The following AKNAD1 variants were observed in gnomAD, a reference collection of about 807,000 sequenced individuals.
AKNAD1 encodes protein AKNAD1.
A neutral mutation model predicts 90.8 loss-of-function variants in AKNAD1; 67 were observed. The observed-to-expected ratio is 0.74, with a 90% CI of 0.61 to 0.90. The LOEUF (loss-of-function observed/expected upper bound fraction) is 0.90. Ranked by LOEUF, AKNAD1 falls within the 40% of genes least tolerant of loss-of-function variation. The pLI is 0.00. For missense variants in AKNAD1, 957 were observed against 975.4 expected (o/e 0.98, Z 0.25); for synonymous variants, 327 against 341.4 (o/e 0.96, Z 0.46).
chr1:108,853,629 G>C (rs892522360), intron 1 of AKNAD1, among the ~76,000 whole-genome samples: 8 of 151,838 alleles, frequency 5.3e-5, no homozygotes, highest in African/African-American at 9.7e-5. Flanking sequence ...GGCAGAGAAG[G>C]ACTTACAGAA....
At position 108,823,616 on chromosome 1, in the gene AKNAD1, C is replaced by A; in HGVS notation, c.2009G>T (p.Gly670Val). Residue 670 changes from glycine (G) to valine (V), a missense_variant, in exon 12 of 16, where the codon GGC becomes GTC. By Grantham distance (109) the Gly-to-Val change is moderately radical (BLOSUM62 -3). Transcript: ENST00000370001. ...EMQSNKCQDC[G>V]TKIPTSRRAC... ...TCTTCGGGAGGTAGGAATCTTAGTGCCACAGTCCTGACATTTGTTACTCTG... is the reference window on the plus strand; with the variant it reads ...TCTTCGGGAGGTAGGAATCTTAGTGACACAGTCCTGACATTTGTTACTCTG... The A allele has an allele frequency of 6.2e-7, 1 of 1,614,098 alleles. No individual in the cohort carries two copies. The highest frequency in any genetic ancestry group is 8.5e-7 in the Non-Finnish European group (1 of 1,180,030).
At chr1:108,832,211 C>CTTTTTTTT (rs35868464) in intron 9 of AKNAD1, among the ~76,000 whole-genome samples, 13 of 91,680 alleles carry the variant, frequency 1.4e-4, no homozygotes, top group African/African-American at 2.3e-4. Context: ...ATGCTGTGTT[C>CTTTTTTTT]TTTTTTTTTT....
At chr1:108,838,422 C>T (rs1664445630) in intron 6 of AKNAD1, among the ~76,000 whole-genome samples, 1 of 151,596 alleles carries the variant, frequency 6.6e-6, no homozygotes, top group Non-Finnish European at 1.5e-5. Flanking sequence ...ACTTACAAGT[C>T]AATGACAAAT....
chr1:108,832,741 A>T (rs1664249981), intron 9 of AKNAD1, among the ~76,000 whole-genome samples: 1 of 152,214 alleles, frequency 6.6e-6, no homozygotes, highest in South Asian at 2.1e-4. Context: ...AACATATGAA[A>T]ATAGATTGAG....
At chr1:108,848,649 C>T in intron 5 of AKNAD1, 103 bp downstream of exon 5, 1 of 1,025,024 alleles carries the variant, frequency 9.8e-7, no homozygotes, top group Non-Finnish European at 1.4e-6. Context: ...AAAACATTTC[C>T]ACTCCCACCA....
intron 10 of AKNAD1, among the ~76,000 whole-genome samples, chr1:108,828,040 C>T (rs1664068353): frequency 6.6e-6 from 1 of 151,344 alleles, no homozygotes; most frequent in African/African-American, 2.4e-5. Flanking sequence ...TGGCTTGAGA[C>T]TAGGAGTTCA....
chr1:108,837,626 G>C lies in AKNAD1; in HGVS notation c.1460C>G (p.Ser487Ter). ...KEKMDESKYT[S>*]APSLPVSSPV... ...AGAACTCACAGGAAGGGAAGGAGCT[G>C]AAGTATATTTGCTTTCATCCATTTT... The change falls in exon 7 of 16, where the codon TCA becomes TGA. Residue 487 changes from serine (S) to a stop codon, truncating the protein, a stop_gained. Transcript: ENST00000370001. LOFTEE classifies it high-confidence loss of function. The C allele has an allele frequency of 6.2e-7, 1 of 1,614,182 alleles. No homozygotes were observed. Among genetic ancestry groups the C allele is most frequent in the Non-Finnish European group, 8.5e-7 (1 of 1,180,018 alleles).
intron 4 of AKNAD1, 46 bp from the exon 5 acceptor site, chr1:108,848,860 A>G: frequency 1.2e-6 from 2 of 1,602,296 alleles, no homozygotes; most frequent in Non-Finnish European, 1.7e-6. Flanking sequence ...ATGGTTTCTC[A>G]TGTGTGAATT....
At chr1:108,816,625 T>C (rs916423323) in intron 15 of AKNAD1, among the ~76,000 whole-genome samples, 3 of 151,960 alleles carry the variant, frequency 2.0e-5, no homozygotes, top group African/African-American at 4.8e-5. Context: ...TTGATGGGGA[T>C]TGGGGGGCCA....
intron 10 of AKNAD1, among the ~76,000 whole-genome samples, chr1:108,827,706 C>G (rs527864260): frequency 6.7e-6 from 1 of 148,206 alleles, no homozygotes. Context: ...CCCAGCTACT[C>G]GGGAGGCTGA....
intron 12 of AKNAD1, 39 bp from the exon 13 acceptor site, chr1:108,823,516 G>T (rs1330426393): frequency 1.2e-6 from 2 of 1,611,094 alleles, no homozygotes; most frequent in Non-Finnish European, 1.7e-6. Context: ...AATTGCCTGG[G>T]AACAGTGACT....
chr1:108,825,782 G>C (rs1338524), intron 11 of AKNAD1, among the ~76,000 whole-genome samples: 88,160 of 151,116 alleles, frequency 0.58, 26,741 homozygotes, highest in African/African-American at 0.65. Flanking sequence ...TAAACTGAGA[G>C]GTTTAAAAGA....
chr1:108,841,711 C>T (rs903638811), intron 6 of AKNAD1, among the ~76,000 whole-genome samples: 4 of 152,152 alleles, frequency 2.6e-5, no homozygotes, highest in African/African-American at 9.6e-5. Flanking sequence ...ATATCAAGAA[C>T]CCAAGGGTTG....
intron 7 of AKNAD1, among the ~76,000 whole-genome samples, chr1:108,836,072 T>C (rs1664377971): frequency 1.3e-5 from 2 of 152,242 alleles, no homozygotes; most frequent in Non-Finnish European, 2.9e-5. Context: ...ATGCCAGCAC[T>C]AGACTCTTTC....
At chr1:108,829,836 G>A (rs555839529) in intron 10 of AKNAD1, among the ~76,000 whole-genome samples, 6 of 152,304 alleles carry the variant, frequency 3.9e-5, no homozygotes, top group African/African-American at 9.6e-5. Flanking sequence ...AGCTTTGGCC[G>A]GAGTCCACAG....
intron 6 of AKNAD1, among the ~76,000 whole-genome samples, chr1:108,842,487 G>T (rs1664579328): frequency 6.6e-6 from 1 of 152,212 alleles, no homozygotes; most frequent in Non-Finnish European, 1.5e-5. Context: ...CTTCAGTTTG[G>T]AGTGTGTGTT....
At position 108,827,313 on chromosome 1, in the gene AKNAD1, G is replaced by A. The variant is rs1360232789; in HGVS notation, c.1839-11C>T. 1.3e-6 allele frequency: 2 copies of A among 1,585,054 alleles called. No individual in the cohort carries two copies. Among genetic ancestry groups the A allele is most frequent in the East Asian group, 2.3e-5 (1 of 43,800 alleles). On this transcript the variant is annotated splice_polypyrimidine_tract_variant and intron_variant, in intron 10 of 15. Transcript: ENST00000370001. ...TCCACGTTTTGCTTCCTAAAAAAAG[G>A]TGCATAAGATCCTGTAAACTTTTAG... is the stretch of plus-strand genomic sequence containing the variant.
chr1:108,828,087 AAAAC>A (rs71069603), intron 10 of AKNAD1, among the ~76,000 whole-genome samples: 82,173 of 148,712 alleles, frequency 0.55, 23,700 homozygotes, highest in Non-Finnish European at 0.63. Flanking sequence ...CCTCATCTCA[AAAAC>A]AAACAAACAA....
chr1:108,829,835 C>T (rs1479718750), intron 10 of AKNAD1, among the ~76,000 whole-genome samples: 3 of 152,266 alleles, frequency 2.0e-5, no homozygotes, highest in East Asian at 3.9e-4. Flanking sequence ...GAGCTTTGGC[C>T]GGAGTCCACA....
Sources: allele counts gnomAD v4.1 joint callset (sites outside exome capture counted in the v4.1 genomes callset), GRCh38; gene constraint gnomAD v4.1.1; transcripts MANE v1.5; gene names NCBI Gene and HGNC (gene_info 2026-07-23, HGNC 2026-07-21).